Variants in CNTNAP2 observed in about 807,000 individuals in gnomAD.
CNTNAP2 encodes contactin-associated protein-like 2.
CNTNAP2 carries 98 observed loss-of-function variants against 155.2 expected under a neutral mutation model. That is an observed-to-expected ratio of 0.63 (90% CI 0.54 to 0.75). The LOEUF (loss-of-function observed/expected upper bound fraction) is 0.75. CNTNAP2 is among the 30% of genes least tolerant of loss of function. The pLI, the probability that CNTNAP2 is intolerant of heterozygous loss-of-function variation, is 0.00. For synonymous variants in CNTNAP2, 651 were observed against 631.2 expected (o/e 1.03, Z -0.47); for missense variants, 1,727 against 1,688.1 (o/e 1.02, Z -0.40).
chr7:146,915,457 T>G (rs942045409), intron 3 of CNTNAP2, among the ~76,000 whole-genome samples: 1 of 152,200 alleles, frequency 6.6e-6, no homozygotes, highest in African/African-American at 2.4e-5. Flanking sequence ...TGAAATGTGT[T>G]TCCATTTGTT....
intron 21 of CNTNAP2, among the ~76,000 whole-genome samples, chr7:148,289,140 C>T (rs1338349804): frequency 2.0e-5 from 3 of 152,056 alleles, no homozygotes; most frequent in Non-Finnish European, 2.9e-5. Flanking sequence ...GCTCAGCGCT[C>T]TCAGAAATTT....
chr7:147,885,435 G>T (rs970021942), intron 13 of CNTNAP2, among the ~76,000 whole-genome samples: 4 of 152,072 alleles, frequency 2.6e-5, no homozygotes, highest in Non-Finnish European at 5.9e-5. Flanking sequence ...GATCAGTATT[G>T]GTCCAATCAT....
chr7:146,234,315 T>C (rs1189349093), intron 1 of CNTNAP2, among the ~76,000 whole-genome samples: 1 of 152,202 alleles, frequency 6.6e-6, no homozygotes, highest in African/African-American at 2.4e-5. Flanking sequence ...ATGGGGTTGT[T>C]TTTTTCTTGT....
intron 1 of CNTNAP2, among the ~76,000 whole-genome samples, chr7:146,727,795 T>C (rs1019567274): frequency 4.6e-5 from 7 of 152,218 alleles, no homozygotes; most frequent in African/African-American, 1.7e-4. Context: ...ATTCGCTCTG[T>C]AAATATGTAG....
intron 21 of CNTNAP2, among the ~76,000 whole-genome samples, chr7:148,283,876 A>G (rs10261449): frequency 0.058 from 8,804 of 152,302 alleles, 338 homozygotes; most frequent in African/African-American, 0.11. Context: ...TGAATATTAA[A>G]TAAGATACAC....
chr7:147,249,200 A>T (rs2116654701), intron 8 of CNTNAP2, among the ~76,000 whole-genome samples: 1 of 152,298 alleles, frequency 6.6e-6, no homozygotes, highest in Admixed American at 6.5e-5. Flanking sequence ...TCTTTGAGTC[A>T]ACTTGTTAAA....
At chr7:147,485,746 C>A (rs1798498173) in intron 10 of CNTNAP2, among the ~76,000 whole-genome samples, 189 bp from the exon 11 acceptor site, 1 of 152,138 alleles carries the variant, frequency 6.6e-6, no homozygotes, top group South Asian at 2.1e-4. Flanking sequence ...GTCGGTGATA[C>A]ATCATCTTTG....
At chr7:146,840,818 A>G (rs929856154) in intron 3 of CNTNAP2, among the ~76,000 whole-genome samples, 2 of 152,198 alleles carry the variant, frequency 1.3e-5, no homozygotes, top group Non-Finnish European at 2.9e-5. Flanking sequence ...GCTAAAGTGG[A>G]TGTTCATTTC....
Position 147,616,726 on chromosome 7 carries a change from G to A in CNTNAP2, c.1898-22380G>A, listed in dbSNP as rs146461778. 4.3e-3 allele frequency among the ~76,000 whole-genome samples: 657 copies of A among 152,000 alleles called. 5 individuals carry two copies. Among genetic ancestry groups the A allele is most frequent in the African/African-American group, 0.015 (615 of 41,468 alleles). The stretch of plus-strand genomic sequence containing the variant: ...GAAGATATAAGTAAGTAAAATAAAC[G>A]TGTTAGATATTTGTTTGTTTTCTGC... On this transcript the variant is annotated intron_variant, in intron 12 of 23. Coordinates refer to ENST00000361727, the MANE Select transcript of CNTNAP2 (RefSeq NM_014141.6).
At chr7:147,106,001 G>T (rs543245236) in intron 4 of CNTNAP2, among the ~76,000 whole-genome samples, 1 of 152,006 alleles carries the variant, frequency 6.6e-6, no homozygotes, top group African/African-American at 2.4e-5. Flanking sequence ...AGACAGGAAT[G>T]CATTAACATT....
intron 3 of CNTNAP2, among the ~76,000 whole-genome samples, chr7:146,877,508 AAT>A (rs201046534): frequency 1.3e-5 from 2 of 150,518 alleles, no homozygotes; most frequent in African/African-American, 2.4e-5. Flanking sequence ...CTGTCTGTAA[AAT>A]ATATATATAT....
chr7:147,708,658 T>TG (rs1464757128), intron 13 of CNTNAP2, among the ~76,000 whole-genome samples: 2 of 152,058 alleles, frequency 1.3e-5, no homozygotes, highest in South Asian at 4.1e-4. Flanking sequence ...CCTGGACTGT[T>TG]GGGGGTCACT....
chr7:146,703,737 C>G (rs1193976950), intron 1 of CNTNAP2, among the ~76,000 whole-genome samples: 1 of 152,040 alleles, frequency 6.6e-6, no homozygotes, highest in Non-Finnish European at 1.5e-5. Context: ...CATGAAGGTT[C>G]CGTTCTCATG....
At chr7:147,084,377 T>TAC (rs1399659149) in intron 4 of CNTNAP2, among the ~76,000 whole-genome samples, 11 of 79,210 alleles carry the variant, frequency 1.4e-4, no homozygotes, top group South Asian at 8.7e-4. Flanking sequence ...GTATATATAA[T>TAC]ATATGCATAA....
rs770256644 is a variant in CNTNAP2, at chr7:147,562,153, C to T, written c.1793C>T (p.Ser598Phe). The change falls in exon 12 of 24, where the codon TCC (serine) becomes TTC (phenylalanine). Residue 598 changes from serine to phenylalanine, a missense_variant. Transcript: ENST00000361727. ...TTTGTTCTAGCTATCTACGAGCCTT[C>T]CTGTGAAGCCTACAAACACCTAGGA... is the stretch of plus-strand genomic sequence containing the variant. The part of the protein sequence containing the change: ...ATCHNSIYEP[S>F]CEAYKHLGQT... The T allele has an allele frequency of 2.5e-6, 4 of 1,613,868 alleles. No homozygotes were observed. The highest frequency in any genetic ancestry group is 3.4e-6 in the Non-Finnish European group (4 of 1,179,924).
chr7:146,721,026 A>T lies in CNTNAP2; in HGVS notation c.98-53245A>T, dbSNP rs1025296014. ...TCTATATATATACTCTATATATTAT[A>T]TATACTCTATATATTCTATATATAT... is the stretch of plus-strand genomic sequence containing the variant. On this transcript the variant is annotated intron_variant, in intron 1 of 23. Transcript: ENST00000361727. Among the ~76,000 whole-genome samples, 15 of 133,740 alleles carry T rather than the reference A, an allele frequency of 1.1e-4. No individual in the cohort carries two copies. The South Asian group carries it at 2.8e-3, about 25-fold the overall frequency. The allele number at this position is 133,740 out of a possible 152,430, so 87.7% of individuals were successfully genotyped here.
intron 13 of CNTNAP2, 67 bp from the exon 14 acceptor site, chr7:147,903,498 G>T: frequency 1.3e-6 from 2 of 1,533,054 alleles, no homozygotes; most frequent in East Asian, 4.5e-5. Flanking sequence ...GGAAGTGGGT[G>T]TAAGTGTGGC....
intron 8 of CNTNAP2, among the ~76,000 whole-genome samples, chr7:147,273,384 A>T (rs1804806258): frequency 1.3e-5 from 2 of 152,082 alleles, no homozygotes; most frequent in Admixed American, 6.6e-5. Context: ...TTAGATTCAG[A>T]GGGTACATGT....
chr7:147,458,598 A>G (rs1274434148), intron 10 of CNTNAP2, among the ~76,000 whole-genome samples: 3 of 152,190 alleles, frequency 2.0e-5, no homozygotes, highest in African/African-American at 4.8e-5. Context: ...AGAAGCGGAC[A>G]TGCAGGAAGA....
Sources: allele counts gnomAD v4.1 joint callset (sites outside exome capture counted in the v4.1 genomes callset), GRCh38; gene constraint gnomAD v4.1.1; transcripts MANE v1.5; gene names NCBI Gene and HGNC (gene_info 2026-07-23, HGNC 2026-07-21).